The following EIF3B variants were observed in gnomAD, a reference collection of about 807,000 sequenced individuals.
EIF3B encodes the protein eukaryotic translation initiation factor 3 subunit 9.
A neutral mutation model predicts 104.6 loss-of-function variants in EIF3B; 10 were observed. The observed-to-expected ratio is 0.10, with a 90% CI of 0.06 to 0.16. The LOEUF is 0.16. Among genes scored for constraint, EIF3B ranks in the 10% least tolerant of loss-of-function variants. EIF3B has a pLI of 1.00. For missense variants in EIF3B, 1,014 were observed against 1,087.9 expected (o/e 0.93, Z 0.96); for synonymous variants, 542 against 417.2 (o/e 1.30, Z -3.65).
chr7:2,365,651 TTTTG>T (rs200381047), intron 6 of EIF3B, among the ~76,000 whole-genome samples: 2,326 of 102,824 alleles, frequency 0.023, 29 homozygotes, highest in Middle Eastern at 0.061. Flanking sequence ...GGACTTGTTT[TTTTG>T]TTTGTTTGTT....
At chr7:2,369,812 C>G (rs1443585038) in intron 10 of EIF3B, 130 bp downstream of exon 10, 9 of 744,640 alleles carry the variant, frequency 1.2e-5, no homozygotes, top group Non-Finnish European at 1.8e-5. Flanking sequence ...GAGTCTCACT[C>G]TGTCACCAGG....
At chr7:2,378,976 G>C (rs906098597) in intron 16 of EIF3B, 158 bp from the exon 17 acceptor site, 4 of 755,318 alleles carry the variant, frequency 5.3e-6, no homozygotes, top group Non-Finnish European at 8.7e-6. Flanking sequence ...TGGGTGGGGG[G>C]CAGCGTTGGG....
In EIF3B at chr7:2,377,054, C is replaced by T. The variant is rs145251998; in HGVS notation, c.2133C>T (p.Leu711=). The T allele has an allele frequency of 6.2e-7, 1 of 1,613,524 alleles. No homozygotes were observed. Among genetic ancestry groups the T allele is most frequent in the Admixed American group, 1.7e-5 (1 of 60,018 alleles). The change falls in exon 15 of 19, where the codon CTC becomes CTT. Residue 711 remains leucine (L), a synonymous_variant. Coordinates refer to ENST00000360876, the MANE Select transcript of EIF3B (RefSeq NM_001037283.2). ...QLLWRPRPPT[L]LSQEQIKQIK... ...TGTGGCGGCCCCGGCCTCCCACACT[C>T]CTGAGCCAGGAACAGATCAAGGTCA...
At chr7:2,359,119 G>C (rs181428089) in intron 1 of EIF3B, among the ~76,000 whole-genome samples, 7 of 152,058 alleles carry the variant, frequency 4.6e-5, no homozygotes, top group African/African-American at 1.4e-4. Context: ...TTTAAGTGCC[G>C]GTCTCTGCCC....
intron 18 of EIF3B, 42 bp downstream of exon 18, chr7:2,379,553 C>T: frequency 8.0e-7 from 1 of 1,255,794 alleles, no homozygotes; most frequent in South Asian, 1.3e-5. Flanking sequence ...CTGTTGGCTG[C>T]TCATGCTGCT....
chr7:2,357,694 G>C (rs2115276716), intron 1 of EIF3B, among the ~76,000 whole-genome samples: 1 of 152,274 alleles, frequency 6.6e-6, no homozygotes, highest in South Asian at 2.1e-4. Context: ...TTTTCCTGGA[G>C]ACCGCTTGGG....
rs762710368 is a variant in EIF3B, at chr7:2,355,323, A to G, written c.402A>G (p.Arg134=). 2 of 1,541,038 alleles carry G rather than the reference A, an allele frequency of 1.3e-6. No homozygotes were observed. The highest frequency in any genetic ancestry group is 1.7e-6 in the Non-Finnish European group (2 of 1,150,974). ...VSEDAGGNEG[R]AAEAEPRALE... ...AGGACGCGGGAGGAAACGAGGGCAG[A>G]GCGGCCGAGGCCGAACCCCGGGCGC... The change falls in exon 1 of 19, where the codon AGA becomes AGG. Residue 134 remains arginine (R), a synonymous_variant. Transcript: ENST00000360876.
At chr7:2,359,521 C>T (rs929306882) in intron 1 of EIF3B, among the ~76,000 whole-genome samples, 3 of 152,188 alleles carry the variant, frequency 2.0e-5, no homozygotes, top group Non-Finnish European at 4.4e-5. Context: ...GGAGGCTCTG[C>T]GCTTCTCCTC....
At position 2,360,625 on chromosome 7, in the gene EIF3B, C is replaced by T; in HGVS notation, c.500-85C>T. On this transcript the variant is annotated intron_variant, in intron 1 of 18. Coordinates refer to ENST00000360876, the MANE Select transcript of EIF3B (RefSeq NM_001037283.2). Reference sequence around the variant, plus strand: ...GCATTTAGACAATTCATTGTCTCTTCTTGAAGACTTGTTTAGTGTGCTCAG... The same window carrying T: ...GCATTTAGACAATTCATTGTCTCTTTTTGAAGACTTGTTTAGTGTGCTCAG... 6.3e-6 allele frequency: 7 copies of T among 1,109,140 alleles called. No individual in the cohort carries two copies. In the South Asian group the frequency reaches 1.2e-4, roughly 19 times the overall value. The allele number at this position is 1,109,140 out of a possible 1,614,324, so 68.7% of individuals were successfully genotyped here.
chr7:2,370,392 G>T (rs1454902789), intron 10 of EIF3B, among the ~76,000 whole-genome samples: 1 of 151,806 alleles, frequency 6.6e-6, no homozygotes. Context: ...CAGGAGAATC[G>T]CTTGAACCCA....
intron 6 of EIF3B, 71 bp downstream of exon 6, chr7:2,364,600 C>A: frequency 1.5e-6 from 2 of 1,367,304 alleles, no homozygotes; most frequent in South Asian, 1.3e-5. Context: ...GGTGATCTTT[C>A]ATTTTGTAGC....
At chr7:2,372,332 G>A (rs2115324469) in intron 11 of EIF3B, 1 of 262,254 alleles carries the variant, frequency 3.8e-6, no homozygotes, top group East Asian at 7.6e-5. Flanking sequence ...TCCAGGCAGG[G>A]AGACCGGAGG....
In EIF3B at chr7:2,354,994, G is replaced by C. The variant is rs898602556; in HGVS notation, c.73G>C (p.Ala25Pro). Residue 25 changes from alanine (A) to proline (P), a missense_variant, in exon 1 of 19, where the codon GCC becomes CCC. This residue lies in a region of EIF3B where 488 missense variants were observed against 404.3 expected (regional missense o/e 1.21). Coordinates refer to ENST00000360876, the MANE Select transcript of EIF3B (RefSeq NM_001037283.2). ...CGCCGAGCCCGGCCAGCAGCAGCCG[G>C]CCGCCGAGCCGCCGCCAGCCGAGGG... ...ERAEPGQQQP[A>P]AEPPPAEGLL... 3.3e-5 allele frequency: 39 copies of C among 1,169,596 alleles called. No individual in the cohort carries two copies. Among genetic ancestry groups the C allele is most frequent in the Admixed American group, 9.5e-5 (2 of 20,958 alleles). The allele number at this position is 1,169,596 out of a possible 1,614,324, so 72.5% of individuals were successfully genotyped here.
intron 12 of EIF3B, chr7:2,373,936 CTT>C (rs1011857444): frequency 2.0e-5 from 3 of 152,258 alleles, no homozygotes; most frequent in African/African-American, 7.2e-5. Flanking sequence ...CCCCATGCCT[CTT>C]TTTTGGATGT....
intron 15 of EIF3B, chr7:2,378,456 GT>G: frequency 4.7e-6 from 1 of 214,734 alleles, no homozygotes. Flanking sequence ...GGGAAGCTGT[GT>G]TGTGTGAATG....
chr7:2,365,676 T>TG (rs1413603016), intron 6 of EIF3B, among the ~76,000 whole-genome samples: 1,839 of 72,718 alleles, frequency 0.025, 53 homozygotes, highest in African/African-American at 0.17. Flanking sequence ...TGTTTGTTTG[T>TG]TTTGTTTTTT....
At chr7:2,367,515 G>C (rs555212109) in intron 9 of EIF3B, among the ~76,000 whole-genome samples, 5 of 152,310 alleles carry the variant, frequency 3.3e-5, no homozygotes, top group African/African-American at 1.2e-4. Context: ...GCTCCGTCAG[G>C]CTGGAGTGCA....
intron 1 of EIF3B, 130 bp downstream of exon 1, chr7:2,355,550 A>C: frequency 7.8e-7 from 1 of 1,280,084 alleles, no homozygotes; most frequent in East Asian, 3.0e-5. Flanking sequence ...TGTGTTCCTG[A>C]GAAGCCACCG....
At chr7:2,357,576 T>C (rs1174937125) in intron 1 of EIF3B, among the ~76,000 whole-genome samples, 1 of 152,264 alleles carries the variant, frequency 6.6e-6, no homozygotes, top group African/African-American at 2.4e-5. Context: ...CCTTTCAGTT[T>C]AATGTTTCAG....
Sources: gnomAD v4.1 joint callset for allele counts (sites outside exome capture counted in the v4.1 genomes callset) on GRCh38, gnomAD v4.1.1 for gene constraint, gnomAD v4.1.1 regional missense constraint, MANE v1.5 for transcripts, NCBI Gene and HGNC (gene_info 2026-07-23, HGNC 2026-07-21) for gene names.